The following KCNH8 variants were observed in gnomAD, a reference collection of about 807,000 sequenced individuals.
KCNH8 encodes the protein potassium voltage-gated channel subfamily H member 8.
KCNH8 carries 70 observed loss-of-function variants against 103.6 expected under a neutral mutation model. That is an observed-to-expected ratio of 0.68 (90% CI 0.56 to 0.82). The LOEUF is 0.82. KCNH8 is among the 40% of genes least tolerant of loss of function. The probability of loss-of-function intolerance (pLI) is 0.00; values close to 1 mark genes in which losing one functional copy is unlikely to be tolerated. For missense variants in KCNH8, 1,217 were observed against 1,329.9 expected, an observed-to-expected ratio of 0.92 and a Z score of 1.32; for synonymous variants, 498 against 489.4, an observed-to-expected ratio of 1.02 and a Z score of -0.23.
At chr3:19,332,304 C>T (rs2065521901) in intron 3 of KCNH8, among the ~76,000 whole-genome samples, 1 of 152,164 alleles carries the variant, frequency 6.6e-6, no homozygotes. Context: ...TGTTCTCCAT[C>T]TACAACATTT....
chr3:19,424,945 T>C (rs1024579099), intron 7 of KCNH8, among the ~76,000 whole-genome samples: 3 of 152,104 alleles, frequency 2.0e-5, no homozygotes, highest in Non-Finnish European at 4.4e-5. Context: ...GGAAGAATTA[T>C]ACAAAACCCA....
At position 19,201,254 on chromosome 3, in the gene KCNH8, A is replaced by AAAAAAAG. The variant is rs1450633322; in HGVS notation, c.77-52394_77-52393insGAAAAAA. 4.2e-3 allele frequency among the ~76,000 whole-genome samples: 599 copies of AAAAAAAG among 143,328 alleles called. 7 individuals carry two copies. The highest frequency in any genetic ancestry group is 6.3e-3 in the Non-Finnish European group (406 of 64,116). 94.0% of individuals were successfully genotyped at this position (143,328 alleles called of 152,430 possible). A position where few individuals can be genotyped will look rare whatever the true frequency, so the allele number is the denominator to read the frequency against. On this transcript the variant is annotated intron_variant, in intron 1 of 15. Coordinates refer to ENST00000328405, the MANE Select transcript of KCNH8 (RefSeq NM_144633.3). ...CTCAAAAAAAAAAAAAAAAAAAAAA[A>AAAAAAAG]AAAAAAAAGAAAAGAAAATTATAGT...
At chr3:19,254,096 C>A (rs1403042313) in intron 2 of KCNH8, among the ~76,000 whole-genome samples, 1 of 151,956 alleles carries the variant, frequency 6.6e-6, no homozygotes. Context: ...AGAATTATAA[C>A]TATTCAATGT....
chr3:19,225,392 C>T (rs896906194), intron 1 of KCNH8, among the ~76,000 whole-genome samples: 7 of 152,060 alleles, frequency 4.6e-5, no homozygotes, highest in African/African-American at 1.4e-4. Flanking sequence ...AGTCTGCTGA[C>T]TTCTAGCCTA....
intron 1 of KCNH8, among the ~76,000 whole-genome samples, chr3:19,177,475 A>G (rs1303881190): frequency 1.3e-5 from 2 of 151,978 alleles, no homozygotes; most frequent in African/African-American, 4.8e-5. Flanking sequence ...AATTCAAAAT[A>G]CTTGGTAGAC....
At chr3:19,530,894 C>T (rs1238105681) in intron 15 of KCNH8, among the ~76,000 whole-genome samples, 1 of 152,162 alleles carries the variant, frequency 6.6e-6, no homozygotes, top group Non-Finnish European at 1.5e-5. Flanking sequence ...TGTCCTTTCA[C>T]CTCTGAGTCT....
intron 1 of KCNH8, among the ~76,000 whole-genome samples, chr3:19,200,505 T>A (rs2063646926): frequency 6.6e-6 from 1 of 151,976 alleles, no homozygotes; most frequent in Non-Finnish European, 1.5e-5. Flanking sequence ...CAGTTGTGAT[T>A]TCCACCTTTT....
intron 8 of KCNH8, among the ~76,000 whole-genome samples, chr3:19,438,813 T>A (rs1473918264): frequency 2.6e-5 from 4 of 152,312 alleles, no homozygotes; most frequent in African/African-American, 7.2e-5. Context: ...CTGGTCCACA[T>A]TGTGGCCTTG....
chr3:19,421,126 A>G (rs1234524096), intron 7 of KCNH8, among the ~76,000 whole-genome samples: 2 of 152,178 alleles, frequency 1.3e-5, no homozygotes, highest in Non-Finnish European at 2.9e-5. Flanking sequence ...TGAAACAACT[A>G]CTTTTTATTC....
In KCNH8 at chr3:19,450,258, T is replaced by C; in HGVS notation, c.1528T>C (p.Tyr510His). 6.2e-7 allele frequency: 1 copy of C among 1,613,674 alleles called. No individual in the cohort carries two copies. The highest frequency in any genetic ancestry group is 8.5e-7 in the Non-Finnish European group (1 of 1,179,750). ...ACAACTCAAGCAGAGGATGCTCGAA[T>C]ATTTTCAAACAACCTGGTCAGTCAA... ...PQQLKQRMLE[Y>H]FQTTWSVNNG... The change falls in exon 9 of 16, where the codon TAT becomes CAT. Residue 510 changes from tyrosine (Y) to histidine (H), a missense_variant. Transcript: ENST00000328405.
chr3:19,399,190 A>G (rs1215061274), intron 7 of KCNH8, among the ~76,000 whole-genome samples: 1 of 151,944 alleles, frequency 6.6e-6, no homozygotes, highest in African/African-American at 2.4e-5. Context: ...ACATGTCACA[A>G]CTGAATCAGA....
At chr3:19,508,968 C>T (rs1004496706) in intron 11 of KCNH8, among the ~76,000 whole-genome samples, 2 of 152,262 alleles carry the variant, frequency 1.3e-5, no homozygotes, top group South Asian at 4.2e-4. Flanking sequence ...CTTCCTGAAT[C>T]CCATTGTCAT....
chr3:19,283,361 T>C (rs1417634732), intron 3 of KCNH8, among the ~76,000 whole-genome samples: 1 of 152,194 alleles, frequency 6.6e-6, no homozygotes, highest in African/African-American at 2.4e-5. Context: ...AGGGAACATG[T>C]ACAATGTAAA....
At position 19,493,066 on chromosome 3, in the gene KCNH8, A is replaced by G. The variant is rs193049108; in HGVS notation, c.2041-17297A>G. On this transcript the variant is annotated intron_variant, in intron 11 of 15. Coordinates refer to ENST00000328405, the MANE Select transcript of KCNH8 (RefSeq NM_144633.3). ...ATAGAAATGCTATTGATTTTTGTAC[A>G]TTGATTTTTGTATCCTAAAACCTTA... Among the ~76,000 whole-genome samples, 128 of 151,316 alleles carry G rather than the reference A, an allele frequency of 8.5e-4. 2 individuals are homozygous for G. In the East Asian group the frequency reaches 0.018, roughly 22 times the overall value.
intron 3 of KCNH8, among the ~76,000 whole-genome samples, chr3:19,321,488 TTTGAGGGTTCCTA>T (rs1263729724): frequency 6.6e-6 from 1 of 151,116 alleles, no homozygotes; most frequent in East Asian, 1.9e-4. Context: ...TTTGCATGGT[TTTGAGGGTTCCTA>T]TTGGAGTTGA....
intron 12 of KCNH8, among the ~76,000 whole-genome samples, chr3:19,511,010 T>TA (rs1383194283): frequency 1.9e-4 from 29 of 152,296 alleles, no homozygotes; most frequent in African/African-American, 7.0e-4. Flanking sequence ...TTATTTTAAT[T>TA]ATACTTTAAG....
At chr3:19,381,224 A>G (rs2066284055) in intron 5 of KCNH8, among the ~76,000 whole-genome samples, 1 of 152,022 alleles carries the variant, frequency 6.6e-6, no homozygotes, top group African/African-American at 2.4e-5. Context: ...CAGAGATCAT[A>G]AATGAATCTG....
At chr3:19,327,480 G>C (rs921925245) in intron 3 of KCNH8, among the ~76,000 whole-genome samples, 3 of 152,088 alleles carry the variant, frequency 2.0e-5, no homozygotes, top group Non-Finnish European at 4.4e-5. Context: ...AGTAGAGACG[G>C]GGTTTCACCA....
chr3:19,313,781 A>G (rs1274251364), intron 3 of KCNH8, among the ~76,000 whole-genome samples: 2 of 151,914 alleles, frequency 1.3e-5, no homozygotes, highest in East Asian at 1.9e-4. Flanking sequence ...ATAGATGATC[A>G]TACAAAGTAC....
Sources: allele counts gnomAD v4.1 joint callset (sites outside exome capture counted in the v4.1 genomes callset), GRCh38; gene constraint gnomAD v4.1.1; transcripts MANE v1.5; gene names NCBI Gene and HGNC (gene_info 2026-07-23, HGNC 2026-07-21).